The following FHIT variants were observed in gnomAD, a reference collection of about 807,000 sequenced individuals.
FHIT encodes fragile histidine triad diadenosine triphosphatase.
In FHIT, 19 loss-of-function variants were observed where a neutral mutation model predicts 17.9. The observed-to-expected ratio is 1.06, with a 90% confidence interval of 0.74 to 1.56. The LOEUF is 1.56. FHIT is among the 40% of genes most tolerant of loss of function. The pLI is 0.00. For missense variants in FHIT, 248 were observed against 189.2 expected, an observed-to-expected ratio of 1.31 and a Z score of -1.82; for synonymous variants, 81 against 69.7, an observed-to-expected ratio of 1.16 and a Z score of -0.81.
chr3:60,516,642 C>A (rs919240859), intron 5 of FHIT, among the ~76,000 whole-genome samples: 7 of 152,168 alleles, frequency 4.6e-5, no homozygotes, highest in African/African-American at 1.4e-4. Context: ...CAACAGTACC[C>A]ACCTGATAGG....
At chr3:60,977,352 G>C (rs573328956) in intron 3 of FHIT, among the ~76,000 whole-genome samples, 1 of 152,026 alleles carries the variant, frequency 6.6e-6, no homozygotes, top group Non-Finnish European at 1.5e-5. Flanking sequence ...AGTCAATGGC[G>C]GTTTCCTCAA....
intron 4 of FHIT, among the ~76,000 whole-genome samples, chr3:60,738,186 A>T (rs1553713073): frequency 6.6e-6 from 1 of 152,230 alleles, no homozygotes; most frequent in Admixed American, 6.5e-5. Flanking sequence ...CCAGTGCTCA[A>T]ATCTGAAAAG....
intron 3 of FHIT, among the ~76,000 whole-genome samples, chr3:60,995,525 T>G (rs2030608689): frequency 6.6e-6 from 1 of 152,152 alleles, no homozygotes; most frequent in Middle Eastern, 3.2e-3. Context: ...AGGAACACAG[T>G]TGCTGCGACT....
At chr3:60,728,869 T>C (rs781788350) in intron 4 of FHIT, among the ~76,000 whole-genome samples, 19 of 152,152 alleles carry the variant, frequency 1.2e-4, no homozygotes, top group Admixed American at 7.2e-4. Context: ...ACTCATTACT[T>C]GTAGTTTTCC....
At chr3:60,826,485 C>T (rs1022656739) in intron 3 of FHIT, among the ~76,000 whole-genome samples, 6 of 152,148 alleles carry the variant, frequency 3.9e-5, no homozygotes, top group African/African-American at 1.4e-4. Flanking sequence ...CACCACTACG[C>T]CTGGCTAATT....
rs938375187 is a variant in FHIT, at chr3:60,028,805, A to G, written c.104-14653T>C. Among the ~76,000 whole-genome samples the G allele has an allele frequency of 7.9e-5, 12 of 152,232 alleles. No individual in the cohort carries two copies. The South Asian group carries it at 1.0e-3, about 13-fold the overall frequency. ...ACTTATTAACATAAATTACCAAAGA[A>G]TTTATGATGCAGAAGAAAAAGATGT... On this transcript the variant is annotated intron_variant, in intron 5 of 9. Transcript: ENST00000492590.
chr3:60,028,734 T>C (rs1214008126), intron 5 of FHIT, among the ~76,000 whole-genome samples: 2 of 152,184 alleles, frequency 1.3e-5, no homozygotes, highest in African/African-American at 4.8e-5. Flanking sequence ...TGCGCTGATG[T>C]TCAGGAGATT....
At chr3:60,544,741 C>G (rs779043834) in intron 4 of FHIT, among the ~76,000 whole-genome samples, 1 of 151,910 alleles carries the variant, frequency 6.6e-6, no homozygotes, top group Non-Finnish European at 1.5e-5. Context: ...GGATTGCAGG[C>G]ACCCACCACC....
intron 5 of FHIT, among the ~76,000 whole-genome samples, chr3:60,065,784 C>G (rs1017538314): frequency 6.6e-6 from 1 of 152,184 alleles, no homozygotes; most frequent in Non-Finnish European, 1.5e-5. Context: ...CCATGGCCAA[C>G]TACTCATTCT....
chr3:60,149,961 C>G (rs900238243), intron 5 of FHIT, among the ~76,000 whole-genome samples: 7 of 143,080 alleles, frequency 4.9e-5, no homozygotes, highest in Non-Finnish European at 9.1e-5. Context: ...ACTGGTTAGG[C>G]TGGATAAAAG....
chr3:60,070,619 C>T (rs1025345276), intron 5 of FHIT, among the ~76,000 whole-genome samples: 20 of 152,116 alleles, frequency 1.3e-4, no homozygotes, highest in Admixed American at 4.6e-4. Flanking sequence ...TAGGTGCTTC[C>T]GGGATGCCAC....
At chr3:60,889,412 C>T (rs892640485) in intron 3 of FHIT, among the ~76,000 whole-genome samples, 11 of 152,312 alleles carry the variant, frequency 7.2e-5, no homozygotes, top group East Asian at 3.9e-4. Flanking sequence ...ATTTTATATT[C>T]GATGCCGTTT....
chr3:60,247,772 T>A (rs1299583135), intron 5 of FHIT, among the ~76,000 whole-genome samples: 2 of 152,104 alleles, frequency 1.3e-5, no homozygotes, highest in African/African-American at 2.4e-5. Flanking sequence ...AGTTTCCTCA[T>A]CTCTAAAATG....
At chr3:60,744,270 A>AAAAAAAAAAAAAAAC (rs1577150242) in intron 4 of FHIT, among the ~76,000 whole-genome samples, 2 of 22,520 alleles carry the variant, frequency 8.9e-5, no homozygotes, top group Admixed American at 3.8e-4. Flanking sequence ...AAACAAAACA[A>AAAAAAAAAAAAAAAC]AAAAAAAAAA....
At chr3:60,681,188 C>A (rs1466820966) in intron 4 of FHIT, among the ~76,000 whole-genome samples, 1 of 152,166 alleles carries the variant, frequency 6.6e-6, no homozygotes, top group Non-Finnish European at 1.5e-5. Flanking sequence ...GTCTATGTAT[C>A]ACAATTTGGT....
intron 4 of FHIT, among the ~76,000 whole-genome samples, chr3:60,727,797 A>G (rs1489064023): frequency 1.3e-5 from 2 of 152,118 alleles, no homozygotes; most frequent in East Asian, 3.9e-4. Context: ...AGGTCAGGAG[A>G]TAGAGACCAT....
chr3:60,054,967 C>T (rs1559588420), intron 5 of FHIT, among the ~76,000 whole-genome samples: 1 of 152,164 alleles, frequency 6.6e-6, no homozygotes, highest in Non-Finnish European at 1.5e-5. Flanking sequence ...ATACTCCAAA[C>T]TCCCACTGAT....
At chr3:60,148,615 C>T (rs1373121316) in intron 5 of FHIT, among the ~76,000 whole-genome samples, 1 of 152,140 alleles carries the variant, frequency 6.6e-6, no homozygotes, top group South Asian at 2.1e-4. Context: ...CAGACATGGG[C>T]ATCTGAATTG....
intron 3 of FHIT, among the ~76,000 whole-genome samples, chr3:61,033,567 T>C (rs1039033247): frequency 3.9e-5 from 6 of 152,210 alleles, no homozygotes; most frequent in African/African-American, 9.6e-5. Flanking sequence ...TACTACAAAA[T>C]GTAAAATTAC....
Sources: gnomAD v4.1 joint callset for allele counts (sites outside exome capture counted in the v4.1 genomes callset) on GRCh38, gnomAD v4.1.1 for gene constraint, MANE v1.5 for transcripts, NCBI Gene and HGNC (gene_info 2026-07-23, HGNC 2026-07-21) for gene names.